The following RFPL1 variants were observed in gnomAD, a reference collection of about 807,000 sequenced individuals.
The protein encoded by RFPL1 is ret finger protein-like 1.
Under a neutral mutation model 9.6 loss-of-function variants are expected in RFPL1, and 6 were observed. The ratio of observed to expected loss-of-function variants is 0.62; its 90% CI spans 0.34 to 1.23. RFPL1 has a LOEUF of 1.23. Among genes scored for constraint, RFPL1 ranks in the 50% most tolerant of loss-of-function variants. The probability of loss-of-function intolerance (pLI) is 0.03; values close to 1 mark genes in which losing one functional copy is unlikely to be tolerated. For synonymous variants in RFPL1, 145 were observed against 149.4 expected (o/e 0.97, Z 0.22); for missense variants, 352 against 398.4 (o/e 0.88, Z 0.99).
chr22:29,418,630 G>C, the RFPL1 span, among the ~76,000 whole-genome samples: 1,092 of 151,512 alleles, frequency 7.2e-3, 15 homozygotes, highest in African/African-American at 0.025. Context: ...CTCCCGAGTA[G>C]CTGAGATTAC....
At chr22:29,437,297 A>G (rs1022264354), upstream of RFPL1, 1 of 236,168 alleles carries the variant, frequency 4.2e-6, no homozygotes, top group Non-Finnish European at 8.2e-6. Flanking sequence ...AATTTAAACC[A>G]TTTTGTAAAA....
At chr22:29,415,448 C>T in the RFPL1 span, among the ~76,000 whole-genome samples, 3 of 152,214 alleles carry the variant, frequency 2.0e-5, no homozygotes, top group Non-Finnish European at 4.4e-5. Context: ...ACTGCTCTGA[C>T]GAGGCATTGC....
the RFPL1 span, among the ~76,000 whole-genome samples, chr22:29,414,783 T>G: frequency 6.6e-6 from 1 of 152,102 alleles, no homozygotes; most frequent in Non-Finnish European, 1.5e-5. Context: ...CCCCATACTT[T>G]AAGATTTTTG....
chr22:29,416,203 G>A, the RFPL1 span, among the ~76,000 whole-genome samples: 1 of 152,218 alleles, frequency 6.6e-6, no homozygotes, highest in Non-Finnish European at 1.5e-5. Flanking sequence ...ATTTCCTTGG[G>A]CCTCTGCATT....
exon 2 of RFPL1, chr22:29,441,820 G>C (rs1010890053): frequency 6.2e-7 from 1 of 1,613,872 alleles, no homozygotes; most frequent in Non-Finnish European, 8.5e-7. Context: ...ATTCTGGACT[G>C]TGAGTTTGAG....
At chr22:29,432,338 C>G in the RFPL1 span, among the ~76,000 whole-genome samples, 1 of 152,194 alleles carries the variant, frequency 6.6e-6, no homozygotes, top group Non-Finnish European at 1.5e-5. Context: ...GAGCCCCCCT[C>G]CTATCACCCT....
At position 29,439,183 on chromosome 22, in the gene RFPL1, C is replaced by T. The variant is rs763844780; in HGVS notation, c.373+19C>T. ...TTCCAAGGTGAGGGATCTGTATACACTGCCCCCTTCCTACGACCAGACCAG... is the reference window on the plus strand; with the variant it reads ...TTCCAAGGTGAGGGATCTGTATACATTGCCCCCTTCCTACGACCAGACCAG... On this transcript the variant is annotated intron_variant, in intron 1 of 1. Transcript: ENST00000354373. 6.2e-7 allele frequency: 1 copy of T among 1,604,980 alleles called. No homozygotes were observed. Among genetic ancestry groups the T allele is most frequent in the South Asian group, 1.1e-5 (1 of 90,172 alleles).
rs61734571 is a variant in RFPL1, at chr22:29,442,099, G to T, written c.931G>T (p.Val311Phe). 3.0e-3 allele frequency: 4,768 copies of T among 1,582,454 alleles called. 125 individuals are homozygous for T. The African/African-American group carries it at 0.058, about 19-fold the overall frequency. The change falls in exon 2 of 2, where the codon GTC (valine) becomes TTC (phenylalanine). Residue 311 changes from valine to phenylalanine, a missense_variant. By Grantham distance (50) the Val-to-Phe change is conservative. Transcript: ENST00000354373. ...AAACCCGGGCACTACTGATGCTCCAGTCCATCCTGGGGAGGCCAAATAAGC... is the reference window on the plus strand; with the variant it reads ...AAACCCGGGCACTACTGATGCTCCATTCCATCCTGGGGAGGCCAAATAAGC...
chr22:29,441,284 G>A, intron 1 of RFPL1: 2 of 488,846 alleles, frequency 4.1e-6, no homozygotes, highest in African/African-American at 1.9e-5. Context: ...CACTCTAAAT[G>A]AAGAAAAGTC....
At chr22:29,405,268 G>C in the RFPL1 span, among the ~76,000 whole-genome samples, 1 of 152,156 alleles carries the variant, frequency 6.6e-6, no homozygotes. Flanking sequence ...AGTGTGCACA[G>C]GACTGGGGGA....
the RFPL1 span, among the ~76,000 whole-genome samples, chr22:29,393,968 C>A: frequency 2.0e-5 from 3 of 152,052 alleles, no homozygotes; most frequent in Non-Finnish European, 4.4e-5. Context: ...TGAGCCACCA[C>A]GCCCGGCCTA....
chr22:29,418,096 A>C, the RFPL1 span, among the ~76,000 whole-genome samples: 2 of 151,852 alleles, frequency 1.3e-5, no homozygotes, highest in Admixed American at 6.6e-5. Flanking sequence ...ATACCCAGCT[A>C]ATTTTTGTAT....
At chr22:29,410,493 A>G in the RFPL1 span, among the ~76,000 whole-genome samples, 1 of 107,010 alleles carries the variant, frequency 9.3e-6, no homozygotes, top group Non-Finnish European at 1.8e-5. Flanking sequence ...TTGTAGATAT[A>G]TATCTATATA....
chr22:29,422,564 G>A, the RFPL1 span, among the ~76,000 whole-genome samples: 1 of 152,142 alleles, frequency 6.6e-6, no homozygotes, highest in Non-Finnish European at 1.5e-5. Context: ...GGCAACAAGA[G>A]CAAAACTCAG....
At chr22:29,408,349 C>T in the RFPL1 span, among the ~76,000 whole-genome samples, 1 of 152,180 alleles carries the variant, frequency 6.6e-6, no homozygotes, top group Non-Finnish European at 1.5e-5. Context: ...TCTTTGCCTT[C>T]CTTCAACACC....
chr22:29,423,688 G>A, the RFPL1 span, among the ~76,000 whole-genome samples: 2 of 152,326 alleles, frequency 1.3e-5, no homozygotes, highest in South Asian at 4.1e-4. Context: ...ATCAAGGCAC[G>A]ATGTTACCCT....
At chr22:29,426,183 C>T in the RFPL1 span, among the ~76,000 whole-genome samples, 6 of 148,274 alleles carry the variant, frequency 4.0e-5, no homozygotes, top group African/African-American at 1.5e-4. Flanking sequence ...ATTAGCCAGA[C>T]GTGGTGGCAA....
chr22:29,392,378 CTTTTTTTTTTTTTTTTT>C, the RFPL1 span, among the ~76,000 whole-genome samples: 47 of 46,278 alleles, frequency 1.0e-3, 1 homozygote, highest in African/African-American at 2.7e-3. Context: ...CCACACCTGG[CTTTTTTTTTTTTTTTTT>C]TTTTTTTTTT....
In RFPL1 at chr22:29,439,081, AG is replaced by A. The variant is rs1310076328; in HGVS notation, c.291del (p.Arg98GlyfsTer13). On this transcript the variant is annotated frameshift_variant, in exon 1 of 2. Transcript: ENST00000354373. LOFTEE classifies it high-confidence loss of function. ...AAAATCAGGCCCAGTTGGCAGCTAG[AG>A]AGGCTGGCTTCCCACATCAAGGAAC... The A allele has an allele frequency of 1.3e-5, 21 of 1,614,064 alleles. No individual in the cohort carries two copies. Among genetic ancestry groups the A allele is most frequent in the Non-Finnish European group, 1.7e-5 (20 of 1,180,042 alleles).
Sources: allele counts gnomAD v4.1 joint callset (sites outside exome capture counted in the v4.1 genomes callset), GRCh38; gene constraint gnomAD v4.1.1; transcripts MANE v1.5; gene names NCBI Gene and HGNC (gene_info 2026-07-23, HGNC 2026-07-21).